BBS9: variants seen among roughly 807,000 people sequenced by gnomAD.
BBS9 encodes Bardet-Biedl syndrome 9, also known as protein PTHB1.
In BBS9, 89 loss-of-function variants were observed where a neutral mutation model predicts 117.7. That is an observed-to-expected ratio of 0.76 (90% CI 0.64 to 0.90). The LOEUF (loss-of-function observed/expected upper bound fraction) is 0.90, where lower values mean the gene tolerates loss of function less well. Ranked by LOEUF, BBS9 falls within the 40% of genes least tolerant of loss-of-function variation. The pLI is 0.00. For missense variants in BBS9, 982 were observed against 1,042.2 expected (o/e 0.94, Z 0.80); for synonymous variants, 379 against 370.9 (o/e 1.02, Z -0.25).
intron 19 of BBS9, among the ~76,000 whole-genome samples, chr7:33,407,491 T>A (rs1325913213): frequency 6.6e-6 from 1 of 152,236 alleles, no homozygotes; most frequent in Non-Finnish European, 1.5e-5. Flanking sequence ...CTGCATTCCT[T>A]TGGAGGAGGA....
chr7:33,199,414 C>A (rs1164410144), intron 5 of BBS9, among the ~76,000 whole-genome samples: 2 of 151,834 alleles, frequency 1.3e-5, no homozygotes, highest in Non-Finnish European at 2.9e-5. Context: ...TCAAGATTAA[C>A]TGGCAATAGC....
chr7:33,284,593 T>G (rs1484668275), intron 9 of BBS9, among the ~76,000 whole-genome samples: 1 of 152,248 alleles, frequency 6.6e-6, no homozygotes, highest in Non-Finnish European at 1.5e-5. Context: ...AAGAAAGGTT[T>G]CCTATGTTAT....
intron 21 of BBS9, among the ~76,000 whole-genome samples, chr7:33,574,466 G>A (rs1421457977): frequency 6.6e-6 from 1 of 152,076 alleles, no homozygotes; most frequent in East Asian, 1.9e-4. Flanking sequence ...GAGAAGCTAA[G>A]TAACTCATTC....
At chr7:33,623,291 A>C (rs565405289) in intron 21 of BBS9, among the ~76,000 whole-genome samples, 9 of 152,274 alleles carry the variant, frequency 5.9e-5, no homozygotes, top group Non-Finnish European at 8.8e-5. Context: ...GAAAAAAAAA[A>C]CCTAATCTCA....
chr7:33,163,568 T>C (rs996704373), intron 4 of BBS9, among the ~76,000 whole-genome samples: 5 of 152,216 alleles, frequency 3.3e-5, no homozygotes, highest in Non-Finnish European at 5.9e-5. Context: ...GGCGGGTGTA[T>C]GTGTCCAGGA....
intron 19 of BBS9, among the ~76,000 whole-genome samples, chr7:33,473,903 C>T (rs1841441251): frequency 6.6e-6 from 1 of 152,168 alleles, no homozygotes; most frequent in African/African-American, 2.4e-5. Context: ...AGAACCTAGT[C>T]CAATGCCAGG....
chr7:33,314,298 CT>C (rs1809984682), intron 9 of BBS9: 1 of 424,466 alleles, frequency 2.4e-6, no homozygotes, highest in East Asian at 7.2e-5. Flanking sequence ...CGATCTTCCA[CT>C]TTAGAAAAAT....
intron 5 of BBS9, among the ~76,000 whole-genome samples, chr7:33,220,881 A>G (rs540883113): frequency 6.6e-6 from 1 of 152,372 alleles, no homozygotes; most frequent in East Asian, 1.9e-4. Context: ...ATAAGGAGAA[A>G]GAAATCATGT....
At chr7:33,207,977 T>C (rs994267418) in intron 5 of BBS9, among the ~76,000 whole-genome samples, 1 of 152,010 alleles carries the variant, frequency 6.6e-6, no homozygotes, top group Non-Finnish European at 1.5e-5. Flanking sequence ...CTGGCTTATT[T>C]TTTGTATTTT....
At chr7:33,491,438 A>G (rs1429947774) in intron 19 of BBS9, among the ~76,000 whole-genome samples, 2 of 152,164 alleles carry the variant, frequency 1.3e-5, no homozygotes, top group African/African-American at 4.8e-5. Flanking sequence ...CTGCCTCACA[A>G]CTGGTATTCT....
At chr7:33,140,117 C>T (rs1791206151) in intron 1 of BBS9, among the ~76,000 whole-genome samples, 1 of 152,150 alleles carries the variant, frequency 6.6e-6, no homozygotes, top group African/African-American at 2.4e-5. Context: ...GCTCCACCTC[C>T]TGGTTCATGC....
At chr7:33,535,944 CTG>C (rs1324098028) in intron 21 of BBS9, among the ~76,000 whole-genome samples, 23 of 152,148 alleles carry the variant, frequency 1.5e-4, no homozygotes, top group African/African-American at 4.1e-4. Flanking sequence ...CCTCAAATCC[CTG>C]TCTTAGTCGT....
chr7:33,442,038 C>T (rs1836281419), intron 19 of BBS9, among the ~76,000 whole-genome samples: 1 of 152,016 alleles, frequency 6.6e-6, no homozygotes, highest in Non-Finnish European at 1.5e-5. Context: ...ACTACAGGCA[C>T]CCGCCACCAT....
At position 33,612,886 on chromosome 7, in the gene BBS9, C is replaced by T. The variant is rs1284746643; in HGVS notation, c.2522-22291C>T. ...AGATGGCCTCAATTTTAGGCCTGGT[C>T]CTCTTGAAAAGGTGCTTTCTGATCT... On this transcript the variant is annotated intron_variant, in intron 21 of 21. Coordinates refer to the BBS9 transcript ENST00000671952. 2.6e-5 allele frequency among the ~76,000 whole-genome samples: 4 copies of T among 152,026 alleles called. No homozygotes were observed. In the East Asian group the frequency reaches 7.7e-4, roughly 29 times the overall value.
intron 19 of BBS9, among the ~76,000 whole-genome samples, chr7:33,414,209 C>T (rs1053675126): frequency 2.3e-4 from 35 of 152,100 alleles, no homozygotes; most frequent in African/African-American, 7.5e-4. Flanking sequence ...CTACACATAT[C>T]TTCATTTTTC....
At chr7:33,352,137 T>C (rs1249188247) in intron 14 of BBS9, 2 of 152,766 alleles carry the variant, frequency 1.3e-5, no homozygotes, top group Non-Finnish European at 2.9e-5. Context: ...GAAAATAATA[T>C]TATGGATTAC....
At chr7:33,398,769 C>T (rs73103504) in intron 19 of BBS9, among the ~76,000 whole-genome samples, 14,911 of 152,132 alleles carry the variant, frequency 0.098, 1,017 homozygotes, top group Non-Finnish European at 0.16. Context: ...GACAGAGTCT[C>T]GCCCCATCAC....
At chr7:33,189,208 G>A (rs1049840259) in intron 5 of BBS9, among the ~76,000 whole-genome samples, 5 of 151,756 alleles carry the variant, frequency 3.3e-5, no homozygotes, top group Non-Finnish European at 5.9e-5. Flanking sequence ...TTGTAGTGAC[G>A]GGGTTTTGCC....
chr7:33,270,595 C>T (rs1227630831), intron 7 of BBS9, among the ~76,000 whole-genome samples: 1 of 152,068 alleles, frequency 6.6e-6, no homozygotes, highest in African/African-American at 2.4e-5. Flanking sequence ...CAGAAGAGAC[C>T]AAGCTGTGGA....
Sources: gnomAD v4.1 joint callset for allele counts (sites outside exome capture counted in the v4.1 genomes callset) on GRCh38, gnomAD v4.1.1 for gene constraint, MANE v1.5 for transcripts, NCBI Gene and HGNC (gene_info 2026-07-23, HGNC 2026-07-21) for gene names.